ARMC9: variants seen among roughly 807,000 people sequenced by gnomAD.
ARMC9 encodes the protein armadillo repeat containing 9, also known as lisH domain-containing protein ARMC9.
Under a neutral mutation model 107.0 loss-of-function variants are expected in ARMC9, and 94 were observed. The observed-to-expected ratio is 0.88, with a 90% CI of 0.74 to 1.04. The LOEUF (loss-of-function observed/expected upper bound fraction) is 1.04. Ranked by LOEUF, ARMC9 falls within the 50% of genes least tolerant of loss-of-function variation. The probability of loss-of-function intolerance (pLI) is 0.00; values close to 1 mark genes in which losing one functional copy is unlikely to be tolerated. For missense variants in ARMC9, 942 were observed against 1,030.1 expected (o/e 0.91, Z 1.17); for synonymous variants, 380 against 396.9 (o/e 0.96, Z 0.51).
chr2:231,283,023 A>T (rs953788683), intron 17 of ARMC9, among the ~76,000 whole-genome samples: 8 of 151,998 alleles, frequency 5.3e-5, no homozygotes, highest in African/African-American at 1.9e-4. Flanking sequence ...TCAAAGTGTG[A>T]GATGCAGCAT....
At chr2:231,274,800 G>A (rs868787671) in intron 14 of ARMC9, among the ~76,000 whole-genome samples, 4 of 152,166 alleles carry the variant, frequency 2.6e-5, no homozygotes, top group Non-Finnish European at 4.4e-5. Context: ...TGGGGGAAGG[G>A]ATAGGTATTT....
chr2:231,268,679 C>T (rs899349398), intron 12 of ARMC9, among the ~76,000 whole-genome samples: 10 of 152,226 alleles, frequency 6.6e-5, no homozygotes, highest in African/African-American at 1.7e-4. Context: ...CTTCATTCTT[C>T]GTATAGAATC....
intron 19 of ARMC9, among the ~76,000 whole-genome samples, chr2:231,313,531 C>T (rs952848356): frequency 1.3e-5 from 2 of 152,000 alleles, no homozygotes; most frequent in African/African-American, 4.8e-5. Context: ...TGTATAATTC[C>T]ATGAATTTTA....
chr2:231,219,902 C>G (rs777284338), intron 5 of ARMC9, among the ~76,000 whole-genome samples: 1 of 152,056 alleles, frequency 6.6e-6, no homozygotes. Context: ...ATGATTATAG[C>G]TCACTACAGC....
intron 24 of ARMC9, chr2:231,370,921 C>CCCAGGAAG (rs1263306249): frequency 2.8e-6 from 1 of 358,062 alleles, no homozygotes. Flanking sequence ...GCCCGCCCCA[C>CCCAGGAAG]CCTACTACCT....
At chr2:231,332,038 C>A in intron 20 of ARMC9, 141 bp downstream of exon 20, 1 of 700,796 alleles carries the variant, frequency 1.4e-6, no homozygotes, top group Non-Finnish European at 2.4e-6. Context: ...GTTAGCCAGT[C>A]TGCTCTCAGT....
At chr2:231,368,134 A>G (rs981749307) in intron 23 of ARMC9, among the ~76,000 whole-genome samples, 1 of 152,162 alleles carries the variant, frequency 6.6e-6, no homozygotes, top group African/African-American at 2.4e-5. Flanking sequence ...AGAATATCAC[A>G]CTGTACCCCA....
intron 21 of ARMC9, 96 bp from the exon 22 acceptor site, chr2:231,355,702 C>T (rs768160939): frequency 8.7e-6 from 12 of 1,377,030 alleles, no homozygotes; most frequent in African/African-American, 4.4e-5. Context: ...TTTGAGGCAC[C>T]GCCCCCTCCT....
chr2:231,261,613 C>T (rs1395882921), intron 11 of ARMC9, among the ~76,000 whole-genome samples: 2 of 152,188 alleles, frequency 1.3e-5, no homozygotes, highest in Non-Finnish European at 2.9e-5. Flanking sequence ...CCCTATCCCC[C>T]ACTGTGCTCA....
At chr2:231,279,511 CTTTT>C (rs57779512) in intron 16 of ARMC9, among the ~76,000 whole-genome samples, 1 of 124,794 alleles carries the variant, frequency 8.0e-6, no homozygotes, top group Non-Finnish European at 1.6e-5. Context: ...TTTCTTTTTT[CTTTT>C]TTTTTTTTTT....
chr2:231,331,858 A>G lies in ARMC9; in HGVS notation c.1839A>G (p.Glu613=), dbSNP rs76068318. The G allele has an allele frequency of 0.035, 56,130 of 1,613,608 alleles. 1,183 individuals are homozygous for G. Among genetic ancestry groups the G allele is most frequent in the Non-Finnish European group, 0.041 (47,968 of 1,179,662 alleles). ...AACTGATCCAGCCCCAGCTCGGAGA[A>G]CTCTCAGGAGAGAAGCTTCTGACCA... ...KDELIQPQLG[E]LSGEKLLTTE... The change falls in exon 20 of 25, where the codon GAA becomes GAG. Residue 613 remains glutamate, a synonymous_variant. Coordinates refer to ENST00000611582, the MANE Select transcript of ARMC9 (RefSeq NM_001352754.2).
intron 19 of ARMC9, among the ~76,000 whole-genome samples, chr2:231,327,187 T>A (rs1399422005): frequency 6.6e-6 from 1 of 152,208 alleles, no homozygotes; most frequent in East Asian, 1.9e-4. Context: ...CCCCCATGAT[T>A]GTGTGTGCCG....
intron 16 of ARMC9, among the ~76,000 whole-genome samples, 161 bp downstream of exon 16, chr2:231,278,619 T>G (rs1302457089): frequency 6.6e-6 from 1 of 152,208 alleles, no homozygotes. Context: ...CTGGAAATCT[T>G]TTATAATTTT....
intron 9 of ARMC9, among the ~76,000 whole-genome samples, chr2:231,246,658 A>G (rs139313841): frequency 3.1e-4 from 47 of 152,320 alleles, no homozygotes; most frequent in African/African-American, 1.1e-3. Context: ...TAGTGCTGCC[A>G]TGAACATATG....
chr2:231,330,918 T>C (rs754002072), intron 19 of ARMC9, among the ~76,000 whole-genome samples: 95 of 151,994 alleles, frequency 6.3e-4, no homozygotes, highest in Non-Finnish European at 1.2e-3. Flanking sequence ...AGGTGTGGCA[T>C]ATATGAAACA....
intron 10 of ARMC9, 111 bp from the exon 11 acceptor site, chr2:231,258,880 G>A: frequency 2.0e-6 from 2 of 979,586 alleles, no homozygotes; most frequent in Non-Finnish European, 3.1e-6. Context: ...AGGTCATGCT[G>A]GGAGCCCATG....
chr2:231,235,367 G>C lies in ARMC9; in HGVS notation c.766G>C (p.Val256Leu), dbSNP rs1203596432. 4 of 1,614,100 alleles carry C rather than the reference G, an allele frequency of 2.5e-6. No individual in the cohort carries two copies. Among genetic ancestry groups the C allele is most frequent in the Non-Finnish European group, 3.4e-6 (4 of 1,180,012 alleles). ...GCTGGTGGATTCTCTAGAGGCCACAGTCAGCGGCAAGATGGTAAGGAAGAT... is the reference window on the plus strand; with the variant it reads ...GCTGGTGGATTCTCTAGAGGCCACACTCAGCGGCAAGATGGTAAGGAAGAT... ...AELVDSLEAT[V>L]SGKMITPEYL... is the part of the protein sequence containing the mutation. The change falls in exon 8 of 25, where the codon GTC becomes CTC. Residue 256 changes from valine to leucine, a missense_variant. By Grantham distance (32) the Val-to-Leu change is conservative. Transcript: ENST00000611582.
intron 21 of ARMC9, among the ~76,000 whole-genome samples, chr2:231,353,437 C>T (rs1479185237): frequency 7.9e-6 from 1 of 127,056 alleles, no homozygotes; most frequent in Non-Finnish European, 1.5e-5. Flanking sequence ...CTGTCTCGGC[C>T]TCCCAAAGTG....
At chr2:231,275,685 G>A (rs1257946985) in intron 14 of ARMC9, among the ~76,000 whole-genome samples, 2 of 152,212 alleles carry the variant, frequency 1.3e-5, no homozygotes, top group African/African-American at 4.8e-5. Flanking sequence ...TGGGCACGGT[G>A]GCTCACGCCT....
Sources: allele counts gnomAD v4.1 joint callset (sites outside exome capture counted in the v4.1 genomes callset), GRCh38; gene constraint gnomAD v4.1.1; transcripts MANE v1.5; gene names NCBI Gene and HGNC (gene_info 2026-07-23, HGNC 2026-07-21).